The following XIRP2 variants were observed in gnomAD, a reference collection of about 807,000 sequenced individuals.
The protein encoded by XIRP2 is xin actin-binding repeat-containing protein 2.
Under a neutral mutation model 277.0 loss-of-function variants are expected in XIRP2, and 236 were observed. The observed-to-expected ratio is 0.85, with a 90% CI of 0.77 to 0.95. XIRP2 has a LOEUF of 0.95. Among genes scored for constraint, XIRP2 ranks in the 40% least tolerant of loss-of-function variants. The pLI is 0.00. For missense variants in XIRP2, 4,640 were observed against 4,157.5 expected, an observed-to-expected ratio of 1.12 and a Z score of -3.19; for synonymous variants, 1,490 against 1,416.5, an observed-to-expected ratio of 1.05 and a Z score of -1.17.
Position 167,258,543 on chromosome 2 carries a change from T to A in XIRP2, c.*726T>A. The stretch of plus-strand genomic sequence containing the variant: ...CTTAATGACAACAATAATGTGATTG[T>A]GCAGAGTGCTGAAAAGGAGAAAAAT... On this transcript the variant is annotated 3_prime_UTR_variant, in exon 11 of 11. Coordinates refer to ENST00000409195, the MANE Select transcript of XIRP2 (RefSeq NM_152381.6). The A allele has an allele frequency of 6.2e-7, 1 of 1,613,122 alleles. No homozygotes were observed. Among genetic ancestry groups the A allele is most frequent in the Non-Finnish European group, 8.5e-7 (1 of 1,179,554 alleles).
intron 2 of XIRP2, among the ~76,000 whole-genome samples, chr2:167,023,870 A>G (rs918517494): frequency 1.3e-5 from 2 of 152,216 alleles, no homozygotes; most frequent in South Asian, 4.2e-4. Flanking sequence ...CTTGTAGTAT[A>G]ATTTGAAGTC....
At chr2:167,120,049 T>C (rs1374732289) in intron 2 of XIRP2, among the ~76,000 whole-genome samples, 1 of 152,118 alleles carries the variant, frequency 6.6e-6, no homozygotes, top group Non-Finnish European at 1.5e-5. Flanking sequence ...CGCTAGTACT[T>C]CCACTTTGCA....
chr2:167,185,907 A>T (rs141005417), intron 3 of XIRP2, among the ~76,000 whole-genome samples: 184 of 152,288 alleles, frequency 1.2e-3, no homozygotes, highest in African/African-American at 4.3e-3. Context: ...GAATAAAGTG[A>T]AGCTTAGACA....
chr2:167,220,338 G>T (rs1048737901), intron 5 of XIRP2, among the ~76,000 whole-genome samples: 7 of 152,112 alleles, frequency 4.6e-5, no homozygotes, highest in Admixed American at 3.9e-4. Context: ...TTTGACATTA[G>T]ACAAGTCTCT....
At chr2:166,924,481 T>A (rs1359673986) in intron 2 of XIRP2, among the ~76,000 whole-genome samples, 1 of 152,002 alleles carries the variant, frequency 6.6e-6, no homozygotes, top group African/African-American at 2.4e-5. Context: ...TAACTGCTAA[T>A]TTTTTTTGAA....
intron 3 of XIRP2, among the ~76,000 whole-genome samples, chr2:167,209,803 T>C (rs1461543110): frequency 2.0e-5 from 3 of 152,062 alleles, no homozygotes; most frequent in Non-Finnish European, 4.4e-5. Flanking sequence ...TAAATAGTTG[T>C]GGAGAATCAC....
At chr2:167,085,121 C>T (rs1371015114) in intron 2 of XIRP2, among the ~76,000 whole-genome samples, 1 of 147,670 alleles carries the variant, frequency 6.8e-6, no homozygotes, top group Non-Finnish European at 1.5e-5. Flanking sequence ...TGAATGTGTC[C>T]CAGAGATTCT....
chr2:167,054,482 G>A (rs558325929), intron 2 of XIRP2, among the ~76,000 whole-genome samples: 4 of 152,222 alleles, frequency 2.6e-5, no homozygotes, highest in East Asian at 1.9e-4. Context: ...TCAGGAGTTC[G>A]AGACAAGCCT....
chr2:167,134,225 G>A (rs942268895), intron 2 of XIRP2, among the ~76,000 whole-genome samples: 2 of 150,296 alleles, frequency 1.3e-5, no homozygotes, highest in African/African-American at 4.9e-5. Context: ...ATATTCATGT[G>A]TATATGTATA....
intron 1 of XIRP2, among the ~76,000 whole-genome samples, chr2:166,896,167 A>G (rs1684237055): frequency 6.6e-6 from 1 of 152,192 alleles, no homozygotes; most frequent in South Asian, 2.1e-4. Context: ...TAACGGAGGA[A>G]AAACATCCCT....
intron 5 of XIRP2, among the ~76,000 whole-genome samples, chr2:167,239,175 G>A (rs1694984351): frequency 1.3e-5 from 2 of 152,120 alleles, no homozygotes; most frequent in Non-Finnish European, 2.9e-5. Context: ...TAAAAATGTG[G>A]CTTGTAAACA....
chr2:166,897,206 TC>T (rs1456494440), intron 1 of XIRP2, among the ~76,000 whole-genome samples: 3 of 152,218 alleles, frequency 2.0e-5, no homozygotes, highest in Admixed American at 2.0e-4. Flanking sequence ...GAATGGGATA[TC>T]TATTAGGCTT....
rs1389098863 is a variant in XIRP2 at position 167,007,703 on chromosome 2, T to TCTCTCTCA, written c.408+103814_408+103815insTCTCTCAC. On this transcript the variant is annotated intron_variant, in intron 2 of 10. Transcript: ENST00000409195. ...CACTCTCTCTCTCTCTCTCTCTCTC[T>TCTCTCTCA]CACACACACACACACACACACACAC... is the stretch of plus-strand genomic sequence containing the variant. 4.0e-4 allele frequency among the ~76,000 whole-genome samples: 52 copies of TCTCTCTCA among 130,158 alleles called. 1 individual carries two copies. In the East Asian group the frequency reaches 0.011, roughly 28 times the overall value. The allele number at this position is 130,158 out of a possible 152,430, so 85.4% of individuals were successfully genotyped here. A position where few individuals can be genotyped will look rare whatever the true frequency, so the allele number is the denominator to read the frequency against.
At chr2:167,162,094 C>A (rs1420837193) in intron 3 of XIRP2, among the ~76,000 whole-genome samples, 1 of 152,192 alleles carries the variant, frequency 6.6e-6, no homozygotes, top group Non-Finnish European at 1.5e-5. Flanking sequence ...ACATCTGAGA[C>A]CCCCTCAGCC....
chr2:167,183,559 A>C (rs1693076317), intron 3 of XIRP2, among the ~76,000 whole-genome samples: 1 of 152,034 alleles, frequency 6.6e-6, no homozygotes, highest in Non-Finnish European at 1.5e-5. Flanking sequence ...AATTTCTGGT[A>C]TTGTATTTCT....
At chr2:167,178,161 T>C (rs1263298662) in intron 3 of XIRP2, among the ~76,000 whole-genome samples, 1 of 152,056 alleles carries the variant, frequency 6.6e-6, no homozygotes, top group Admixed American at 6.5e-5. Context: ...TATGAACACA[T>C]ATATGTGCCT....
chr2:167,054,364 C>G (rs556065390), intron 2 of XIRP2, among the ~76,000 whole-genome samples: 1 of 152,162 alleles, frequency 6.6e-6, no homozygotes, highest in African/African-American at 2.4e-5. Flanking sequence ...AACTGACCCA[C>G]TAGTGGTTCA....
Position 167,259,118 on chromosome 2 carries a change from T to C in XIRP2, c.*1301T>C, listed in dbSNP as rs1270175613. The C allele has an allele frequency of 6.2e-7, 1 of 1,612,020 alleles. No homozygotes were observed. On this transcript the variant is annotated 3_prime_UTR_variant, in exon 11 of 11. Coordinates refer to ENST00000409195, the MANE Select transcript of XIRP2 (RefSeq NM_152381.6). ...AAATGAGAACATTTTCAATTGTGAT[T>C]TAATAGATTCTGTAGATCAAATTAA... is the stretch of plus-strand genomic sequence containing the variant.
chr2:167,126,862 A>G (rs895733789), intron 2 of XIRP2, among the ~76,000 whole-genome samples: 2 of 152,190 alleles, frequency 1.3e-5, no homozygotes, highest in Admixed American at 1.3e-4. Flanking sequence ...ACCTTCCCAT[A>G]GGGTTGAAAT....
Sources: gnomAD v4.1 joint callset for allele counts (sites outside exome capture counted in the v4.1 genomes callset) on GRCh38, gnomAD v4.1.1 for gene constraint, MANE v1.5 for transcripts, NCBI Gene and HGNC (gene_info 2026-07-23, HGNC 2026-07-21) for gene names.